Variants in MTCL2 observed in about 807,000 individuals in gnomAD.
MTCL2 encodes the protein microtubule cross-linking factor 2.
chr20:36,797,631 G>C, the MTCL2 span: 1 of 1,491,242 alleles, frequency 6.7e-7, no homozygotes, highest in South Asian at 1.2e-5. Context: ...GCAGGACCCT[G>C]CTCTAAGCAA....
At chr20:36,809,109 G>A in the MTCL2 span, among the ~76,000 whole-genome samples, 2 of 152,190 alleles carry the variant, frequency 1.3e-5, no homozygotes, top group Non-Finnish European at 2.9e-5. Flanking sequence ...GCGTGCCAGG[G>A]TTGAGGACAG....
the MTCL2 span, chr20:36,783,849 G>C: frequency 1.0e-6 from 1 of 985,214 alleles, no homozygotes; most frequent in Non-Finnish European, 1.2e-6. Context: ...CAGTTACCAA[G>C]TAAAATGCTA....
the MTCL2 span, among the ~76,000 whole-genome samples, chr20:36,802,378 T>G: frequency 1.3e-5 from 2 of 152,136 alleles, no homozygotes; most frequent in South Asian, 2.1e-4. Flanking sequence ...CCTGGCTGCA[T>G]GAAGTGAACT....
chr20:36,816,778 A>T, the MTCL2 span, among the ~76,000 whole-genome samples: 2 of 151,930 alleles, frequency 1.3e-5, no homozygotes, highest in Non-Finnish European at 1.5e-5. Flanking sequence ...ACTCAAAATG[A>T]CTCGCTCCAA....
the MTCL2 span, chr20:36,794,769 CTT>C: frequency 4.4e-3 from 2,757 of 628,948 alleles, no homozygotes; most frequent in Middle Eastern, 6.7e-3. This position sits in a 1 kb window ranked among gnomAD's most constrained non-coding sequence, Gnocchi z 5.4. Flanking sequence ...TCTGCATTTT[CTT>C]TTTTTTTTTT....
At chr20:36,855,968 A>G in the MTCL2 span, among the ~76,000 whole-genome samples, 1 of 152,136 alleles carries the variant, frequency 6.6e-6, no homozygotes. Context: ...CCAGGGCTGC[A>G]GACACATAAA....
the MTCL2 span, chr20:36,815,228 A>G: frequency 1.7e-5 from 27 of 1,613,900 alleles, no homozygotes; most frequent in Non-Finnish European, 2.3e-5. This position sits in a 1 kb window ranked among gnomAD's most constrained non-coding sequence, Gnocchi z 5.3. Context: ...GTTCCTTGAC[A>G]GAGCACCCGA....
At chr20:36,788,596 C>A in the MTCL2 span, among the ~76,000 whole-genome samples, 1 of 151,308 alleles carries the variant, frequency 6.6e-6, no homozygotes, top group African/African-American at 2.4e-5. Context: ...CAAGATCGTG[C>A]CACTGCACTC....
chr20:36,789,229 G>T, the MTCL2 span, among the ~76,000 whole-genome samples: 1 of 152,162 alleles, frequency 6.6e-6, no homozygotes, highest in Admixed American at 6.5e-5. Context: ...GCTTTGTGCT[G>T]TTGTTTCTTG....
At chr20:36,837,879 C>T in the MTCL2 span, among the ~76,000 whole-genome samples, 1 of 152,034 alleles carries the variant, frequency 6.6e-6, no homozygotes, top group Non-Finnish European at 1.5e-5. Flanking sequence ...GCCCAGCCCG[C>T]ATTATTTCAT....
chr20:36,786,580 G>A, the MTCL2 span: 110 of 1,551,082 alleles, frequency 7.1e-5, no homozygotes, highest in Non-Finnish European at 9.3e-5. Flanking sequence ...ATGGCAGAGC[G>A]GGACGATCGG....
chr20:36,849,950 G>A, the MTCL2 span, among the ~76,000 whole-genome samples: 1 of 152,120 alleles, frequency 6.6e-6, no homozygotes. Flanking sequence ...GGAGGACACG[G>A]AGAGAACCAA....
At chr20:36,804,986 C>A in the MTCL2 span, 2 of 1,492,656 alleles carry the variant, frequency 1.3e-6, no homozygotes, top group Non-Finnish European at 1.8e-6. Flanking sequence ...ACCTAGGAGT[C>A]CAGCTTGGGA....
chr20:36,815,666 G>A, the MTCL2 span: 12 of 1,607,780 alleles, frequency 7.5e-6, no homozygotes, highest in Non-Finnish European at 8.5e-6. The surrounding 1 kb of genome is among the most constrained non-coding windows in gnomAD (Gnocchi z 5.3). Flanking sequence ...CGCGGTTCTC[G>A]TACTGCAGCT....
At chr20:36,820,934 G>C in the MTCL2 span, among the ~76,000 whole-genome samples, 1 of 152,222 alleles carries the variant, frequency 6.6e-6, no homozygotes, top group Non-Finnish European at 1.5e-5. Flanking sequence ...TGCTGATGCT[G>C]GGTCAGGCTG....
the MTCL2 span, chr20:36,815,064 G>C: frequency 1.3e-6 from 2 of 1,484,926 alleles, no homozygotes; most frequent in African/African-American, 2.8e-5. This position sits in a 1 kb window ranked among gnomAD's most constrained non-coding sequence, Gnocchi z 5.3. Context: ...CCTATCTCAA[G>C]AAAAACAAAA....
At chr20:36,832,252 AC>A in the MTCL2 span, among the ~76,000 whole-genome samples, 1 of 152,070 alleles carries the variant, frequency 6.6e-6, no homozygotes, top group African/African-American at 2.4e-5. Flanking sequence ...GAAGGGCTGC[AC>A]CCCTGGCTGG....
At chr20:36,862,368 C>G in the MTCL2 span, among the ~76,000 whole-genome samples, 2 of 152,346 alleles carry the variant, frequency 1.3e-5, no homozygotes, top group South Asian at 4.1e-4. Context: ...CCACCCCCAC[C>G]TCAGCAACGC....
chr20:36,840,448 A>G, the MTCL2 span, among the ~76,000 whole-genome samples: 1 of 151,670 alleles, frequency 6.6e-6, no homozygotes, highest in Non-Finnish European at 1.5e-5. Context: ...GATTACAGGC[A>G]TGAGCCACCG....
Sources: gnomAD v4.1 joint callset for allele counts (sites outside exome capture counted in the v4.1 genomes callset) on GRCh38, gnomAD v4.1.1 for gene constraint, Gnocchi (gnomAD v3.1) non-coding constraint, MANE v1.5 for transcripts, NCBI Gene and HGNC (gene_info 2026-07-23, HGNC 2026-07-21) for gene names.